Variants in TACC2 observed in about 807,000 individuals in gnomAD.
TACC2 encodes the protein transforming acidic coiled-coil containing protein 2.
TACC2 carries 137 observed loss-of-function variants against 227.3 expected under a neutral mutation model. The ratio of observed to expected loss-of-function variants is 0.60; its 90% confidence interval spans 0.52 to 0.69. The LOEUF (loss-of-function observed/expected upper bound fraction) is 0.69. TACC2 is among the 30% of genes least tolerant of loss of function. The pLI is 0.00. For synonymous variants in TACC2, 1,523 were observed against 1,487.5 expected, an observed-to-expected ratio of 1.02 and a Z score of -0.55; for missense variants, 3,470 against 3,694.4, an observed-to-expected ratio of 0.94 and a Z score of 1.57.
At chr10:122,204,657 A>C (rs1004401172) in intron 8 of TACC2, among the ~76,000 whole-genome samples, 1 of 152,150 alleles carries the variant, frequency 6.6e-6, no homozygotes, top group Non-Finnish European at 1.5e-5. Flanking sequence ...GCAGCATAGC[A>C]AGACTGCATC....
At chr10:122,229,672 A>G (rs1267921063) in intron 15 of TACC2, among the ~76,000 whole-genome samples, 186 bp downstream of exon 15, 2 of 152,144 alleles carry the variant, frequency 1.3e-5, no homozygotes, top group African/African-American at 2.4e-5. Context: ...AGTGATGTAA[A>G]TTGTGTGATT....
intron 20 of TACC2, 105 bp downstream of exon 20, chr10:122,248,908 C>A: frequency 6.5e-7 from 1 of 1,530,214 alleles, no homozygotes; most frequent in Admixed American, 1.7e-5. Flanking sequence ...GAGCCACCTG[C>A]GAGGAGGGGG....
At chr10:122,250,762 C>A (rs1053148887) in intron 22 of TACC2, among the ~76,000 whole-genome samples, 3 of 152,092 alleles carry the variant, frequency 2.0e-5, no homozygotes, top group African/African-American at 7.2e-5. Context: ...TTCCATCTAG[C>A]CCTGAAAATT....
At chr10:122,203,586 C>T (rs1230734497) in intron 8 of TACC2, among the ~76,000 whole-genome samples, 1 of 151,710 alleles carries the variant, frequency 6.6e-6, no homozygotes, top group Admixed American at 6.6e-5. Flanking sequence ...GTGCTCCCCA[C>T]ATCTCAGAAG....
intron 7 of TACC2, among the ~76,000 whole-genome samples, chr10:122,146,054 C>T (rs2091331576): frequency 6.6e-6 from 1 of 152,200 alleles, no homozygotes; most frequent in African/African-American, 2.4e-5. Context: ...CCAGTGCTGG[C>T]AGATAGACAT....
chr10:122,008,264 A>ATTATTATTATTTTAGT, intron 1 of TACC2, among the ~76,000 whole-genome samples: 1 of 134,654 alleles, frequency 7.4e-6, no homozygotes, highest in Admixed American at 7.6e-5. Flanking sequence ...TATTATTATT[A>ATTATTATTATTTTAGT]TTTTTTTTTT....
At chr10:122,192,989 C>A (rs1477385842) in intron 7 of TACC2, among the ~76,000 whole-genome samples, 2 of 152,210 alleles carry the variant, frequency 1.3e-5, no homozygotes, top group Non-Finnish European at 2.9e-5. Flanking sequence ...TAAACAGATG[C>A]TTCAGGTACC....
intron 6 of TACC2, among the ~76,000 whole-genome samples, chr10:122,136,710 T>A (rs1036892061): frequency 2.0e-5 from 3 of 151,916 alleles, no homozygotes; most frequent in Admixed American, 1.3e-4. Flanking sequence ...TGCACCACCA[T>A]GTCTGGCTAA....
chr10:122,249,870 C>G (rs1323934192), intron 22 of TACC2, among the ~76,000 whole-genome samples: 1 of 152,258 alleles, frequency 6.6e-6, no homozygotes, highest in Non-Finnish European at 1.5e-5. Context: ...GTTCCTGGAA[C>G]TGCAGCCTGC....
chr10:122,087,026 T>C lies in TACC2; in HGVS notation c.4526T>C (p.Leu1509Ser). Residue 1509 changes from leucine (L) to serine (S), a missense_variant, in exon 4 of 23, where the codon TTG becomes TCG. Coordinates refer to ENST00000369005, the MANE Select transcript of TACC2 (RefSeq NM_206862.4). ...GCAGGGCTGACCTGGGAGCGGAACT[T>C]GCCAGGTGCCGGTGTGGGGAAGGAG... ...GPAGLTWERN[L>S]PGAGVGKEMA... 6.2e-7 allele frequency: 1 copy of C among 1,613,856 alleles called. No individual in the cohort carries two copies. Among genetic ancestry groups the C allele is most frequent in the Non-Finnish European group, 8.5e-7 (1 of 1,180,006 alleles).
chr10:122,251,706 C>A (rs376265195), intron 22 of TACC2, among the ~76,000 whole-genome samples: 9 of 152,046 alleles, frequency 5.9e-5, no homozygotes, highest in Admixed American at 1.3e-4. Context: ...AGCAAGACCC[C>A]GTCTCTAAAA....
chr10:122,041,174 G>A (rs2074215314), intron 2 of TACC2, among the ~76,000 whole-genome samples: 1 of 152,190 alleles, frequency 6.6e-6, no homozygotes, highest in Admixed American at 6.5e-5. Context: ...CTTGACAGAG[G>A]AAAGTGCCAT....
chr10:122,239,066 C>T (rs1488257660), intron 18 of TACC2, among the ~76,000 whole-genome samples: 2 of 152,020 alleles, frequency 1.3e-5, no homozygotes, highest in African/African-American at 4.8e-5. Context: ...TGCGATGGTG[C>T]GATCTCAGCT....
intron 2 of TACC2, among the ~76,000 whole-genome samples, chr10:122,047,881 A>G (rs368505679): frequency 3.3e-5 from 5 of 152,164 alleles, no homozygotes; most frequent in Admixed American, 6.5e-5. Flanking sequence ...AAATTTTTGC[A>G]TTGTAGTGTT....
At chr10:122,018,539 G>A (rs1280685616) in intron 1 of TACC2, among the ~76,000 whole-genome samples, 3 of 152,018 alleles carry the variant, frequency 2.0e-5, no homozygotes, top group Non-Finnish European at 4.4e-5. Flanking sequence ...CCATTAAGCC[G>A]ATATTTCCCC....
chr10:122,131,953 C>T (rs948643000), intron 5 of TACC2, among the ~76,000 whole-genome samples: 2 of 151,818 alleles, frequency 1.3e-5, no homozygotes, highest in Non-Finnish European at 2.9e-5. Context: ...ACCCGTGAGG[C>T]GGCGGTTGCA....
rs371295390 is a variant in TACC2, at chr10:122,087,369, T to C, written c.4869T>C (p.Val1623=). 328 of 1,613,904 alleles carry C rather than the reference T, an allele frequency of 2.0e-4. No individual in the cohort carries two copies. Among genetic ancestry groups the C allele is most frequent in the Non-Finnish European group, 2.7e-4 (316 of 1,180,036 alleles). The change falls in exon 4 of 23, where the codon GTT becomes GTC. Residue 1623 remains valine, a synonymous_variant. Coordinates refer to ENST00000369005, the MANE Select transcript of TACC2 (RefSeq NM_206862.4). ...DGPGDFAHTG[V]PGHVPRSTCA... ...CCGGGGACTTTGCTCACACAGGGGT[T>C]CCAGGACATGTGCCAAGGTCCACGT...
intron 5 of TACC2, among the ~76,000 whole-genome samples, chr10:122,109,830 C>T (rs1006645868): frequency 6.6e-6 from 1 of 152,150 alleles, no homozygotes; most frequent in Non-Finnish European, 1.5e-5. Context: ...GTCTGCATTC[C>T]AGGGGCTTGC....
chr10:122,070,885 C>T (rs1432901723), intron 3 of TACC2, among the ~76,000 whole-genome samples: 2 of 151,978 alleles, frequency 1.3e-5, no homozygotes, highest in East Asian at 1.9e-4. Context: ...GATTGCACCC[C>T]TGTATTCCAG....
Sources: gnomAD v4.1 joint callset for allele counts (sites outside exome capture counted in the v4.1 genomes callset) on GRCh38, gnomAD v4.1.1 for gene constraint, MANE v1.5 for transcripts, NCBI Gene and HGNC (gene_info 2026-07-23, HGNC 2026-07-21) for gene names.